The following SLC4A4 variants were observed in gnomAD, a reference collection of about 807,000 sequenced individuals.
The protein encoded by SLC4A4 is electrogenic sodium bicarbonate cotransporter 1.
A neutral mutation model predicts 111.5 loss-of-function variants in SLC4A4; 27 were observed. The observed-to-expected ratio is 0.24, with a 90% CI of 0.18 to 0.33. SLC4A4 has a LOEUF of 0.33. SLC4A4 is among the 10% of genes least tolerant of loss of function. SLC4A4 has a pLI of 1.00. For missense variants in SLC4A4, 909 were observed against 1,315.5 expected (o/e 0.69, Z 4.78); for synonymous variants, 443 against 463.4 (o/e 0.96, Z 0.57).
chr4:71,085,609 C>T (rs1373782692), intron 1 of SLC4A4, among the ~76,000 whole-genome samples: 1 of 152,044 alleles, frequency 6.6e-6, no homozygotes, highest in Non-Finnish European at 1.5e-5. Flanking sequence ...GATCTAGTTT[C>T]AGCTTTCTAC....
intron 8 of SLC4A4, among the ~76,000 whole-genome samples, chr4:71,442,406 A>G (rs998659989): frequency 6.6e-6 from 1 of 152,216 alleles, no homozygotes; most frequent in African/African-American, 2.4e-5. Context: ...CAATAATCTG[A>G]ACGATATATC....
At position 71,244,136 on chromosome 4, in the gene SLC4A4, C is replaced by T. The variant is rs139829222; in HGVS notation, c.73+7487C>T. Among the ~76,000 whole-genome samples the T allele has an allele frequency of 2.4e-3, 364 of 152,206 alleles. 1 individual carries two copies. The highest frequency in any genetic ancestry group is 8.4e-3 in the African/African-American group (349 of 41,534). ...AAATGTCTTCAAGGTAGAATGAAAG[C>T]CCATGATTGAATCTAATGGATACGT... On this transcript the variant is annotated intron_variant, in intron 2 of 25. Transcript: ENST00000264485.
At chr4:71,106,839 G>C (rs1742940032) in intron 2 of SLC4A4, among the ~76,000 whole-genome samples, 1 of 146,322 alleles carries the variant, frequency 6.8e-6, no homozygotes, top group Non-Finnish European at 1.5e-5. Context: ...CGAGTTAGTG[G>C]GTGCAGCACA....
intron 1 of SLC4A4, among the ~76,000 whole-genome samples, chr4:71,069,700 C>G (rs1279059628): frequency 6.6e-6 from 1 of 152,154 alleles, no homozygotes; most frequent in African/African-American, 2.4e-5. Flanking sequence ...ATTTTATATA[C>G]TACCAACCCC....
chr4:71,224,999 C>T (rs945053284), intron 1 of SLC4A4, among the ~76,000 whole-genome samples: 16 of 152,132 alleles, frequency 1.1e-4, no homozygotes, highest in South Asian at 2.1e-4. Flanking sequence ...ATAATCATCA[C>T]GAAGTATTTA....
intron 7 of SLC4A4, among the ~76,000 whole-genome samples, chr4:71,422,424 A>G (rs1248343912): frequency 6.7e-6 from 1 of 149,852 alleles, no homozygotes; most frequent in Non-Finnish European, 1.5e-5. Context: ...AGGAGCTGGT[A>G]CCATTCCTTC....
At chr4:71,177,633 C>T (rs10805084) in intron 2 of SLC4A4, among the ~76,000 whole-genome samples, 123,443 of 152,086 alleles carry the variant, frequency 0.81, 53,577 homozygotes, top group Non-Finnish European at 0.95. Context: ...AACTAACTAT[C>T]CTAAATATAT....
intron 16 of SLC4A4, among the ~76,000 whole-genome samples, chr4:71,511,521 T>C (rs909395770): frequency 6.6e-6 from 1 of 152,140 alleles, no homozygotes; most frequent in Non-Finnish European, 1.5e-5. Context: ...ACTTAAAAAA[T>C]ACAACTTTGA....
At chr4:71,561,517 G>GA (rs1736976141) in intron 23 of SLC4A4, among the ~76,000 whole-genome samples, 1 of 151,764 alleles carries the variant, frequency 6.6e-6, no homozygotes, top group African/African-American at 2.4e-5. Flanking sequence ...TACAGTGAAA[G>GA]AAGGCAAGAG....
At chr4:71,356,579 G>A (rs758633764) in intron 5 of SLC4A4, among the ~76,000 whole-genome samples, 1 of 152,074 alleles carries the variant, frequency 6.6e-6, no homozygotes, top group East Asian at 1.9e-4. Context: ...AAGAATTTGG[G>A]AAAATAGATT....
intron 2 of SLC4A4, among the ~76,000 whole-genome samples, chr4:71,133,517 G>A (rs910563929): frequency 6.6e-6 from 1 of 152,202 alleles, no homozygotes; most frequent in East Asian, 1.9e-4. Context: ...TGTGGCCAGC[G>A]TGGGCTTCCT....
At chr4:71,555,879 C>A (rs1188575170) in intron 21 of SLC4A4, among the ~76,000 whole-genome samples, 2 of 151,898 alleles carry the variant, frequency 1.3e-5, no homozygotes, top group Non-Finnish European at 1.5e-5. Context: ...TTTAAAAAAA[C>A]CAAATCATTA....
intron 2 of SLC4A4, among the ~76,000 whole-genome samples, chr4:71,111,853 C>T (rs2148952024): frequency 6.6e-6 from 1 of 151,060 alleles, no homozygotes; most frequent in South Asian, 2.1e-4. Context: ...CGTGCCACCA[C>T]ACTCAGCTAA....
Position 71,497,685 on chromosome 4 carries a change from C to T in SLC4A4, c.2159C>T (p.Pro720Leu). The change falls in exon 16 of 26, where the codon CCA (proline) becomes CTA (leucine). Residue 720 changes from proline to leucine, a missense_variant. By Grantham distance (98) the Pro-to-Leu change is moderately conservative (BLOSUM62 -3). Transcript: ENST00000264485. ...LKKFKTSPYF[P>L]TTARKLISDF... ...AAATTCAAAACTAGTCCTTATTTTC[C>T]AACCACAGTAAGTACCTGAACTTTA... is the stretch of plus-strand genomic sequence containing the variant. 1 of 1,610,892 alleles carries T rather than the reference C, an allele frequency of 6.2e-7. No individual in the cohort carries two copies. Among genetic ancestry groups the T allele is most frequent in the Non-Finnish European group, 8.5e-7 (1 of 1,177,362 alleles).
chr4:71,226,792 C>T lies in SLC4A4; in HGVS notation c.-1-9784C>T, dbSNP rs1719075506. ...AATACCAAACATGCATGTGCCCTCA[C>T]TGTGCCTATTTCTAACTGGTTGATT... On this transcript the variant is annotated intron_variant, in intron 1 of 25. Transcript: ENST00000264485. Among the ~76,000 whole-genome samples, 3 of 152,182 alleles carry T rather than the reference C, an allele frequency of 2.0e-5. No individual in the cohort carries two copies. In the South Asian group the frequency reaches 6.2e-4, roughly 32 times the overall value.
chr4:71,461,012 A>G (rs933481628), intron 12 of SLC4A4, among the ~76,000 whole-genome samples: 4 of 152,098 alleles, frequency 2.6e-5, no homozygotes, highest in African/African-American at 9.7e-5. Flanking sequence ...CATATAGGTT[A>G]ATTCTGCTCT....
Position 71,358,405 on chromosome 4 carries a change from G to T in SLC4A4, c.730+1218G>T, listed in dbSNP as rs1439684108. 2.6e-5 allele frequency among the ~76,000 whole-genome samples: 4 copies of T among 151,870 alleles called. No individual in the cohort carries two copies. The East Asian group carries it at 7.7e-4, about 29-fold the overall frequency. On this transcript the variant is annotated intron_variant, in intron 6 of 25. Transcript: ENST00000264485. ...TGCACTTTCAGAATAACATAAAACC[G>T]GTTGTCATGGAAAAAGGTGGAGTAA...
intron 2 of SLC4A4, among the ~76,000 whole-genome samples, chr4:71,131,694 C>T (rs192350961): frequency 1.2e-3 from 176 of 152,264 alleles, no homozygotes; most frequent in Non-Finnish European, 2.1e-3. Context: ...AGATTGTGAT[C>T]AAGAGCCATC....
chr4:71,143,065 A>T (rs1031483574), intron 2 of SLC4A4, among the ~76,000 whole-genome samples: 8 of 152,042 alleles, frequency 5.3e-5, no homozygotes, highest in East Asian at 1.9e-4. Flanking sequence ...GTCATTTAGC[A>T]TTAGGTATAT....
Sources: gnomAD v4.1 joint callset for allele counts (sites outside exome capture counted in the v4.1 genomes callset) on GRCh38, gnomAD v4.1.1 for gene constraint, MANE v1.5 for transcripts, NCBI Gene and HGNC (gene_info 2026-07-23, HGNC 2026-07-21) for gene names.